The following USP40 variants were observed in gnomAD, a reference collection of about 807,000 sequenced individuals.
USP40 encodes the protein ubiquitin carboxyl-terminal hydrolase 40.
USP40 carries 143 observed loss-of-function variants against 166.2 expected under a neutral mutation model. That is an observed-to-expected ratio of 0.86 (90% CI 0.75 to 0.99). The LOEUF (loss-of-function observed/expected upper bound fraction) is 0.99, where lower values mean the gene tolerates loss of function less well. Among genes scored for constraint, USP40 ranks in the 50% least tolerant of loss-of-function variants. The pLI, the probability that USP40 is intolerant of heterozygous loss-of-function variation, is 0.00. For missense variants in USP40, 1,444 were observed against 1,479.7 expected, an observed-to-expected ratio of 0.98 and a Z score of 0.40; for synonymous variants, 498 against 524.0, an observed-to-expected ratio of 0.95 and a Z score of 0.68.
chr2:233,543,111 G>T (rs1331818547), intron 8 of USP40, among the ~76,000 whole-genome samples: 1 of 152,054 alleles, frequency 6.6e-6, no homozygotes, highest in African/African-American at 2.4e-5. Flanking sequence ...AAGGTATTGG[G>T]GAACATGTCA....
rs1559203864 is a variant in USP40, at chr2:233,476,994, C to T, written c.*398G>A. The stretch of plus-strand genomic sequence containing the variant: ...TCAGGGCGAACGAGAGTCATCTGAA[C>T]ACGGAGGAAAGTGGCTGGCCTGACC... On this transcript the variant is annotated 3_prime_UTR_variant, in exon 32 of 32. Transcript: ENST00000678225. The T allele has an allele frequency of 3.0e-6, 1 of 331,826 alleles. No individual in the cohort carries two copies. The highest frequency in any genetic ancestry group is 8.3e-5 in the East Asian group (1 of 12,054). 20.6% of individuals were successfully genotyped at this position (331,826 alleles called of 1,614,324 possible). A position where few individuals can be genotyped will look rare whatever the true frequency, so the allele number is the denominator to read the frequency against.
intron 4 of USP40, among the ~76,000 whole-genome samples, chr2:233,558,154 T>C (rs1366661990): frequency 6.6e-6 from 1 of 152,056 alleles, no homozygotes; most frequent in East Asian, 1.9e-4. Context: ...AGAAAACTTG[T>C]GGAAGTTTTC....
Position 233,478,548 on chromosome 2 carries a change from A to G in USP40, c.3600-1045T>C, listed in dbSNP as rs192152945. Among the ~76,000 whole-genome samples, 979 of 152,302 alleles carry G rather than the reference A, an allele frequency of 6.4e-3. 5 individuals are homozygous for G. The highest frequency in any genetic ancestry group is 0.022 in the African/African-American group (926 of 41,558). On this transcript the variant is annotated intron_variant, in intron 31 of 31. Coordinates refer to ENST00000678225, the MANE Select transcript of USP40 (RefSeq NM_001365479.2). ...TTTTTCTTATTTGCAGATAATGTTT[A>G]CAGCCATACCCTCTGACCTAGCAAT...
intron 18 of USP40, among the ~76,000 whole-genome samples, chr2:233,513,886 G>C (rs1454396649): frequency 6.6e-6 from 1 of 152,142 alleles, no homozygotes; most frequent in African/African-American, 2.4e-5. Flanking sequence ...GTTCTGTATA[G>C]ACAACAATAG....
At chr2:233,533,910 C>T (rs922616821) in intron 10 of USP40, 131 bp from the exon 11 acceptor site, 25 of 957,002 alleles carry the variant, frequency 2.6e-5, no homozygotes, top group South Asian at 3.7e-5. Context: ...TGGCCAGCTA[C>T]GGGGGAAAAT....
chr2:233,565,506 G>T lies in USP40; in HGVS notation c.49C>A (p.Gln17Lys). 6.5e-7 allele frequency: 1 copy of T among 1,537,174 alleles called. No homozygotes were observed. Among genetic ancestry groups the T allele is most frequent in the South Asian group, 1.2e-5 (1 of 84,054 alleles). Residue 17 changes from glutamine (Q) to lysine (K), a missense_variant, in exon 2 of 32, where the codon CAG becomes AAG. Coordinates refer to ENST00000678225, the MANE Select transcript of USP40 (RefSeq NM_001365479.2). ...EEEYSTVSNN[Q>K]YGKGKKLKTK... ...TTTAATTTCTTCCCTTTTCCATACT[G>T]ATTATTAGACACAGTGGAATACTCC...
At chr2:233,518,088 G>A (rs968280668) in intron 18 of USP40, among the ~76,000 whole-genome samples, 13 of 151,462 alleles carry the variant, frequency 8.6e-5, no homozygotes, top group Non-Finnish European at 1.6e-4. Flanking sequence ...TATACTGCTC[G>A]TGTGATAGGT....
intron 23 of USP40, among the ~76,000 whole-genome samples, chr2:233,497,369 C>G (rs1161272433): frequency 6.6e-6 from 1 of 152,150 alleles, no homozygotes; most frequent in African/African-American, 2.4e-5. Context: ...ATCAATCTGG[C>G]TGCAATATGC....
intron 31 of USP40, among the ~76,000 whole-genome samples, chr2:233,478,626 G>T (rs905334717): frequency 1.3e-5 from 2 of 152,138 alleles, no homozygotes; most frequent in Admixed American, 6.5e-5. Flanking sequence ...CTGCAAAATG[G>T]TGAATATACA....
intron 21 of USP40, 36 bp from the exon 22 acceptor site, chr2:233,499,951 G>A: frequency 6.3e-7 from 1 of 1,595,664 alleles, no homozygotes; most frequent in Non-Finnish European, 8.6e-7. Flanking sequence ...TTAGTTTTCT[G>A]TTTCTGAGTT....
At chr2:233,491,557 T>G (rs748739785) in intron 25 of USP40, among the ~76,000 whole-genome samples, 15 of 152,128 alleles carry the variant, frequency 9.9e-5, no homozygotes, top group Non-Finnish European at 1.2e-4. Context: ...ATTCTGTATG[T>G]TAGCTTCCTG....
chr2:233,551,403 C>T lies in USP40; in HGVS notation c.810G>A (p.Arg270=). The change falls in exon 7 of 32, where the codon CGG becomes CGA. Residue 270 remains arginine, a synonymous_variant. Transcript: ENST00000678225. The part of the protein sequence containing the change: ...KETSCYTFPL[R]INLKPFCEQS... ...GTTCACAAAAGGGCTTGAGATTAAT[C>T]CGGAGAGGGAATGTATAACAGCTAG... The T allele has an allele frequency of 6.2e-7, 1 of 1,609,296 alleles. No homozygotes were observed. Among genetic ancestry groups the T allele is most frequent in the South Asian group, 1.1e-5 (1 of 89,566 alleles).
intron 17 of USP40, among the ~76,000 whole-genome samples, chr2:233,519,991 CT>C (rs1435249721): frequency 6.6e-6 from 1 of 152,106 alleles, no homozygotes; most frequent in African/African-American, 2.4e-5. Context: ...AAACCAGTAA[CT>C]TTTCTCATGA....
chr2:233,531,163 G>T (rs551297721), intron 11 of USP40, among the ~76,000 whole-genome samples: 1 of 152,026 alleles, frequency 6.6e-6, no homozygotes, highest in Non-Finnish European at 1.5e-5. Flanking sequence ...ACCTTACCAC[G>T]GATTAAAACA....
In USP40 at chr2:233,477,362, C is replaced by T; in HGVS notation, c.*30G>A. 2 of 1,603,878 alleles carry T rather than the reference C, an allele frequency of 1.2e-6. No homozygotes were observed. The highest frequency in any genetic ancestry group is 8.5e-7 in the Non-Finnish European group (1 of 1,172,658). Reference sequence around the variant, plus strand: ...CGTTTGTGGCATCAGCCGGAGAGTTCATCGGGAGTAGAGCCGTGCAGCGGC... The same window carrying T: ...CGTTTGTGGCATCAGCCGGAGAGTTTATCGGGAGTAGAGCCGTGCAGCGGC... On this transcript the variant is annotated 3_prime_UTR_variant, in exon 32 of 32. Coordinates refer to ENST00000678225, the MANE Select transcript of USP40 (RefSeq NM_001365479.2).
Position 233,554,472 on chromosome 2 carries a change from C to G in USP40, c.601G>C (p.Ala201Pro). 9.3e-6 allele frequency: 15 copies of G among 1,613,008 alleles called. No individual in the cohort carries two copies. The highest frequency in any genetic ancestry group is 1.3e-5 in the Non-Finnish European group (15 of 1,179,562). The change falls in exon 6 of 32, where the codon GCT becomes CCT. Residue 201 changes from alanine to proline, a missense_variant. Physicochemically the swap from Ala to Pro is conservative, Grantham distance 27 (BLOSUM62 -1). Coordinates refer to ENST00000678225, the MANE Select transcript of USP40 (RefSeq NM_001365479.2). ...AVKNVSGLED[A>P]LWNMYVEEEV... ...TCTTCTACATACATGTTCCAGAGAG[C>G]ATCTTCCAAACCGGATACATTTTTG...
In USP40 at chr2:233,475,945, C is replaced by T. The variant is rs1283050254; in HGVS notation, c.*1447G>A. 4 of 152,440 alleles carry T rather than the reference C, an allele frequency of 2.6e-5. No individual in the cohort carries two copies. The highest frequency in any genetic ancestry group is 4.4e-5 in the Non-Finnish European group (3 of 68,084). 9.4% of individuals were successfully genotyped at this position (152,440 alleles called of 1,614,324 possible). ...CCTCTGCAAAGACGCAGTCTACACC[C>T]AGTGCGAGTCTCCTGAGCGGGGTTA... is the stretch of plus-strand genomic sequence containing the variant. On this transcript the variant is annotated 3_prime_UTR_variant, in exon 32 of 32. Transcript: ENST00000678225.
intron 21 of USP40, among the ~76,000 whole-genome samples, chr2:233,507,348 G>A (rs1364120220): frequency 6.6e-6 from 1 of 152,184 alleles, no homozygotes; most frequent in Non-Finnish European, 1.5e-5. Flanking sequence ...TATGAAATCA[G>A]TGTGTCAAAG....
At chr2:233,530,063 G>C (rs955978051) in intron 11 of USP40, among the ~76,000 whole-genome samples, 2 of 151,348 alleles carry the variant, frequency 1.3e-5, no homozygotes, top group African/African-American at 4.9e-5. Flanking sequence ...GCCTCCCAAA[G>C]TGCTGAGATT....
Sources: gnomAD v4.1 joint callset for allele counts (sites outside exome capture counted in the v4.1 genomes callset) on GRCh38, gnomAD v4.1.1 for gene constraint, MANE v1.5 for transcripts, NCBI Gene and HGNC (gene_info 2026-07-23, HGNC 2026-07-21) for gene names.